PCNX2: variants seen among roughly 807,000 people sequenced by gnomAD.
The protein encoded by PCNX2 is pecanex-like protein 2.
A neutral mutation model predicts 223.8 loss-of-function variants in PCNX2; 168 were observed. The observed-to-expected ratio is 0.75, with a 90% CI of 0.66 to 0.85. The LOEUF is 0.85. Among genes scored for constraint, PCNX2 ranks in the 40% least tolerant of loss-of-function variants. PCNX2 has a pLI of 0.00. For missense variants in PCNX2, 2,507 were observed against 2,675.5 expected (o/e 0.94, Z 1.39); for synonymous variants, 1,006 against 1,052.6 (o/e 0.96, Z 0.86).
chr1:233,229,969 CA>C (rs1657965374), intron 9 of PCNX2, among the ~76,000 whole-genome samples: 1 of 152,072 alleles, frequency 6.6e-6, no homozygotes, highest in Non-Finnish European at 1.5e-5. Flanking sequence ...TTTCTGGTAC[CA>C]AATTCAAATT....
chr1:233,141,838 A>G lies in PCNX2; in HGVS notation c.3518-1983T>C, dbSNP rs140975421. 9.3e-4 allele frequency among the ~76,000 whole-genome samples: 141 copies of G among 151,920 alleles called. 1 individual carries two copies. Among genetic ancestry groups the G allele is most frequent in the Admixed American group, 7.0e-3 (106 of 15,216 alleles). On this transcript the variant is annotated intron_variant, in intron 19 of 33. Coordinates refer to ENST00000258229, the MANE Select transcript of PCNX2 (RefSeq NM_014801.4). ...ACTTGGCATTTAGAAATCTTACTTG[A>G]AAAGAATTCATTCGAATGGGCTAGG... is the stretch of plus-strand genomic sequence containing the variant.
At chr1:233,055,040 G>A (rs752897913) in intron 24 of PCNX2, among the ~76,000 whole-genome samples, 1 of 152,170 alleles carries the variant, frequency 6.6e-6, no homozygotes. Context: ...CTGTATGCAT[G>A]TGCTACAGTT....
At chr1:233,171,357 G>GA (rs1679143062) in intron 17 of PCNX2, among the ~76,000 whole-genome samples, 1 of 149,678 alleles carries the variant, frequency 6.7e-6, no homozygotes, top group African/African-American at 2.5e-5. Flanking sequence ...ACTTTCTACT[G>GA]AAAAATATCT....
rs1670696296 is a variant in PCNX2 at position 233,017,043 on chromosome 1, G to A, written c.4717C>T (p.Leu1573Phe). The A allele has an allele frequency of 1.2e-6, 2 of 1,613,956 alleles. No individual in the cohort carries two copies. Among genetic ancestry groups the A allele is most frequent in the East Asian group, 4.5e-5 (2 of 44,868 alleles). ...FAKWHYIERD[L>F]AMFNINIDDD... Reference sequence around the variant, plus strand: ...TCAATGTTAATGTTGAACATTGCAAGGTCACGCTCAATGTAATGCCACTTG... The same window carrying A: ...TCAATGTTAATGTTGAACATTGCAAAGTCACGCTCAATGTAATGCCACTTG... Residue 1573 changes from leucine (L) to phenylalanine (F), a missense_variant, in exon 27 of 34, where the codon CTT becomes TTT. Coordinates refer to ENST00000258229, the MANE Select transcript of PCNX2 (RefSeq NM_014801.4).
chr1:233,125,443 C>G (rs17749862), intron 21 of PCNX2, among the ~76,000 whole-genome samples: 4,935 of 152,250 alleles, frequency 0.032, 149 homozygotes, highest in Non-Finnish European at 0.047. Flanking sequence ...GCGGTCTATG[C>G]TTCTAAAACA....
intron 20 of PCNX2, among the ~76,000 whole-genome samples, chr1:233,137,741 G>A (rs1330616640): frequency 1.3e-5 from 2 of 152,164 alleles, no homozygotes; most frequent in African/African-American, 4.8e-5. Flanking sequence ...CAATGCCCTG[G>A]AACAGATGGA....
At chr1:233,072,590 T>C (rs1381021533) in intron 23 of PCNX2, among the ~76,000 whole-genome samples, 2 of 152,226 alleles carry the variant, frequency 1.3e-5, no homozygotes, top group Non-Finnish European at 2.9e-5. Flanking sequence ...GTTTGTTTAA[T>C]GTTTTTTATC....
intron 7 of PCNX2, 160 bp from the exon 8 acceptor site, chr1:233,250,992 T>C: frequency 5.0e-6 from 2 of 397,468 alleles, no homozygotes; most frequent in South Asian, 1.1e-4. Flanking sequence ...ACAGAACATA[T>C]ATCATGAGAA....
At chr1:233,108,796 A>C (rs1053090466) in intron 21 of PCNX2, among the ~76,000 whole-genome samples, 1 of 152,202 alleles carries the variant, frequency 6.6e-6, no homozygotes, top group Non-Finnish European at 1.5e-5. Context: ...TGCTGGGCCC[A>C]GGATTACAGA....
intron 14 of PCNX2, 116 bp downstream of exon 14, chr1:233,200,036 ATT>A (rs1452658804): frequency 8.5e-6 from 7 of 819,116 alleles, no homozygotes; most frequent in Non-Finnish European, 1.1e-5. Context: ...AACTGAAGTC[ATT>A]TAAATGCTCA....
At chr1:233,219,456 A>G (rs1657236745) in intron 10 of PCNX2, among the ~76,000 whole-genome samples, 1 of 152,030 alleles carries the variant, frequency 6.6e-6, no homozygotes, top group Non-Finnish European at 1.5e-5. Context: ...AGGGTCAGGG[A>G]ACAAGGGGCC....
chr1:233,056,973 G>A (rs988017192), intron 24 of PCNX2, among the ~76,000 whole-genome samples: 7 of 152,106 alleles, frequency 4.6e-5, no homozygotes, highest in South Asian at 2.1e-4. Context: ...TACTGCACAC[G>A]AACTAAAATG....
chr1:233,110,638 T>C (rs1290082830), intron 21 of PCNX2, among the ~76,000 whole-genome samples: 1 of 152,114 alleles, frequency 6.6e-6, no homozygotes, highest in Non-Finnish European at 1.5e-5. Context: ...AAATTTTTAA[T>C]TGCTCTAAAA....
Position 232,986,421 on chromosome 1 carries a change from T to C in PCNX2, c.5911A>G (p.Thr1971Ala). The change falls in exon 33 of 34, where the codon ACC (threonine) becomes GCC (alanine). Residue 1971 changes from threonine (T) to alanine (A), a missense_variant. Thr to Ala is a moderately conservative substitution (Grantham distance 58). Around this residue, in one of 3 missense-constraint regions of PCNX2, gnomAD observed 1,372 missense variants for 1,509.4 expected, o/e 0.91. Transcript: ENST00000258229. ...ESRQTFLQTSTSVHELAQRLS... is the reference protein window; with the variant it reads ...ESRQTFLQTSASVHELAQRLS... ...CTCTGGGCCAGCTCGTGCACTGAGG[T>C]GGACGTCTGGAGGAATGTTTGGCGG... 1.2e-6 allele frequency: 2 copies of C among 1,605,764 alleles called. 1 individual carries two copies. Among genetic ancestry groups the C allele is most frequent in the South Asian group, 2.2e-5 (2 of 89,284 alleles).
At position 233,139,729 on chromosome 1, in the gene PCNX2, C is replaced by T. The variant is rs368526067; in HGVS notation, c.3644G>A (p.Arg1215Gln). ...TIDAFLISNH[R>Q]RLGTHWDIFL... Reference sequence around the variant, plus strand: ...AACCACTTACTGGGTACCAAGTCTCCGGTGATTGCTTATTAAAAATGCATC... The same window carrying T: ...AACCACTTACTGGGTACCAAGTCTCTGGTGATTGCTTATTAAAAATGCATC... Residue 1215 changes from arginine (R) to glutamine (Q), a missense_variant, in exon 20 of 34, where the codon CGG (arginine) becomes CAG (glutamine). Around this residue, in one of 3 missense-constraint regions of PCNX2, gnomAD observed 1,372 missense variants for 1,509.4 expected, o/e 0.91. Transcript: ENST00000258229. This position sits in a 1 kb window ranked among gnomAD's most constrained non-coding sequence, Gnocchi z 4.4. The T allele has an allele frequency of 3.0e-5, 48 of 1,603,176 alleles. No homozygotes were observed. The highest frequency in any genetic ancestry group is 8.0e-5 in the African/African-American group (6 of 74,750).
intron 22 of PCNX2, among the ~76,000 whole-genome samples, chr1:233,092,475 G>A (rs1229552624): frequency 6.6e-6 from 1 of 152,198 alleles, no homozygotes; most frequent in Non-Finnish European, 1.5e-5. Flanking sequence ...AGGAAACTGT[G>A]CTAGTCTAAA....
In PCNX2 at chr1:233,262,153, C is replaced by G; in HGVS notation, c.372G>C (p.Gln124His). ...TNHRNPSNNR[Q>H]IHNGKKEEAS... ...CCTCTTCCTTTTTGCCATTGTGAAT[C>G]TGCCTATTATTGCTAACCCAACATG... The change falls in exon 3 of 34, where the codon CAG becomes CAC. Residue 124 changes from glutamine (Q) to histidine (H), a missense_variant. Gln to His is a conservative substitution (Grantham distance 24, BLOSUM62 0). Around this residue, in one of 3 missense-constraint regions of PCNX2, gnomAD observed 1,031 missense variants for 1,021.7 expected, o/e 1.01. Coordinates refer to ENST00000258229, the MANE Select transcript of PCNX2 (RefSeq NM_014801.4). The G allele has an allele frequency of 1.9e-6, 3 of 1,613,704 alleles. No individual in the cohort carries two copies. The highest frequency in any genetic ancestry group is 2.5e-6 in the Non-Finnish European group (3 of 1,179,732).
At chr1:233,284,962 C>T (rs1430182038) in intron 1 of PCNX2, 5 of 985,188 alleles carry the variant, frequency 5.1e-6, no homozygotes, top group Non-Finnish European at 6.0e-6. Context: ...AAAATGAAGA[C>T]TCAAACAGTC....
chr1:233,281,922 T>C (rs780544449), intron 1 of PCNX2, among the ~76,000 whole-genome samples: 59 of 152,158 alleles, frequency 3.9e-4, no homozygotes, highest in African/African-American at 1.1e-3. Context: ...ATCACAGCCC[T>C]ACTCTCAAGG....
Sources: gnomAD v4.1 joint callset for allele counts (sites outside exome capture counted in the v4.1 genomes callset) on GRCh38, gnomAD v4.1.1 for gene constraint, gnomAD v4.1.1 regional missense constraint, Gnocchi (gnomAD v3.1) non-coding constraint, MANE v1.5 for transcripts, NCBI Gene and HGNC (gene_info 2026-07-23, HGNC 2026-07-21) for gene names.